ITPR1: variants seen among roughly 807,000 people sequenced by gnomAD.
ITPR1 encodes inositol 1,4,5-trisphosphate receptor type 1, also known as inositol 1,4,5-trisphosphate-gated calcium channel ITPR1.
In ITPR1, 96 loss-of-function variants were observed where a neutral mutation model predicts 318.4. The ratio of observed to expected loss-of-function variants is 0.30; its 90% CI spans 0.26 to 0.36. ITPR1 has a LOEUF of 0.36. Ranked by LOEUF, ITPR1 falls within the 10% of genes least tolerant of loss-of-function variation. ITPR1 has a pLI of 1.00. For missense variants in ITPR1, 2,440 were observed against 3,460.2 expected, an observed-to-expected ratio of 0.71 and a Z score of 7.40; for synonymous variants, 1,312 against 1,289.9, an observed-to-expected ratio of 1.02 and a Z score of -0.37.
chr3:4,730,905 G>A (rs751884537), intron 42 of ITPR1, among the ~76,000 whole-genome samples: 7 of 152,164 alleles, frequency 4.6e-5, no homozygotes, highest in East Asian at 3.9e-4. Context: ...CCCTGGCTGC[G>A]GCTTACGGGT....
intron 46 of ITPR1, among the ~76,000 whole-genome samples, chr3:4,771,717 G>A (rs1032153092): frequency 1.3e-5 from 2 of 151,840 alleles, no homozygotes; most frequent in Non-Finnish European, 2.9e-5. Flanking sequence ...GTGTTGGGGT[G>A]TATAGTATAT....
At chr3:4,623,419 C>A (rs1448478009) in intron 4 of ITPR1, among the ~76,000 whole-genome samples, 2 of 152,202 alleles carry the variant, frequency 1.3e-5, no homozygotes, top group Admixed American at 1.3e-4. Context: ...TCCTCAAAGG[C>A]CTAAAATAAT....
chr3:4,561,731 G>T (rs940747419), intron 4 of ITPR1, among the ~76,000 whole-genome samples: 157 of 152,176 alleles, frequency 1.0e-3, no homozygotes, highest in Middle Eastern at 3.4e-3. Flanking sequence ...GGTTTAGCCT[G>T]AATGACTTAA....
chr3:4,557,913 G>A (rs1404895803), intron 4 of ITPR1, among the ~76,000 whole-genome samples: 3 of 152,056 alleles, frequency 2.0e-5, no homozygotes, highest in Non-Finnish European at 4.4e-5. Flanking sequence ...TAAATTTATG[G>A]TGAAACCCTC....
chr3:4,706,896 A>G (rs1051326171), intron 37 of ITPR1, among the ~76,000 whole-genome samples: 2 of 152,360 alleles, frequency 1.3e-5, no homozygotes, highest in East Asian at 3.9e-4. Context: ...TTAAACATGC[A>G]TCTTAACATT....
At chr3:4,579,629 C>A (rs1182411145) in intron 4 of ITPR1, among the ~76,000 whole-genome samples, 1 of 152,128 alleles carries the variant, frequency 6.6e-6, no homozygotes, top group Non-Finnish European at 1.5e-5. Context: ...AACAAAAAGC[C>A]TGTTACGGAT....
At chr3:4,577,558 C>G (rs957985161) in intron 4 of ITPR1, among the ~76,000 whole-genome samples, 1 of 152,108 alleles carries the variant, frequency 6.6e-6, no homozygotes, top group African/African-American at 2.4e-5. Flanking sequence ...TGTTGATCAA[C>G]TGATTTGTAT....
chr3:4,642,347 C>G, intron 7 of ITPR1, 96 bp downstream of exon 7: 1 of 953,830 alleles, frequency 1.0e-6, no homozygotes, highest in South Asian at 3.2e-5. Context: ...AAGTTGGAAC[C>G]AGAGGCTTGT....
At chr3:4,575,943 C>T (rs1203703313) in intron 4 of ITPR1, among the ~76,000 whole-genome samples, 1 of 151,286 alleles carries the variant, frequency 6.6e-6, no homozygotes, top group African/African-American at 2.4e-5. Context: ...TCGCTTGGGC[C>T]CGGGAGGTCG....
chr3:4,782,727 A>C lies in ITPR1; in HGVS notation c.6496A>C (p.Ile2166Leu). Residue 2166 changes from isoleucine to leucine, a missense_variant, in exon 50 of 62, where the codon ATA (isoleucine) becomes CTA (leucine). This residue lies in a region of ITPR1 where 115 missense variants were observed against 204.5 expected (regional missense o/e 0.56). Coordinates refer to ENST00000649015, the MANE Select transcript of ITPR1 (RefSeq NM_001378452.1). ...CAGGAACGTGGGGCACAACATCTACATATTAGCCCATCAGGTATGATCTCT... is the reference window on the plus strand; with the variant it reads ...CAGGAACGTGGGGCACAACATCTACCTATTAGCCCATCAGGTATGATCTCT... ...SPRNVGHNIY[I>L]LAHQLARHNK... The C allele has an allele frequency of 6.4e-7, 1 of 1,569,834 alleles. No individual in the cohort carries two copies. The highest frequency in any genetic ancestry group is 8.6e-7 in the Non-Finnish European group (1 of 1,156,978).
At chr3:4,805,185 C>A (rs1004698802) in intron 54 of ITPR1, among the ~76,000 whole-genome samples, 13 of 152,214 alleles carry the variant, frequency 8.5e-5, no homozygotes, top group African/African-American at 3.1e-4. Flanking sequence ...TCAGGCACAG[C>A]TGATACAGGG....
chr3:4,556,937 G>A (rs1376257757), intron 4 of ITPR1, among the ~76,000 whole-genome samples: 1 of 152,108 alleles, frequency 6.6e-6, no homozygotes, highest in Non-Finnish European at 1.5e-5. Flanking sequence ...ACTTAACATT[G>A]TGCTGAATGT....
In ITPR1 at chr3:4,710,209, G is replaced by A. The variant is rs754095721; in HGVS notation, c.4843-116G>A. Reference sequence around the variant, plus strand: ...ATTTGAGATGCCAGACGGTACTAAAGTTACTCTAACCTAGCCTACCCGTGC... The same window carrying A: ...ATTTGAGATGCCAGACGGTACTAAAATTACTCTAACCTAGCCTACCCGTGC... On this transcript the variant is annotated intron_variant, in intron 37 of 61. Transcript: ENST00000649015. This position sits in a 1 kb window ranked among gnomAD's most constrained non-coding sequence, Gnocchi z 4.2. The A allele has an allele frequency of 1.0e-6, 1 of 973,276 alleles. No individual in the cohort carries two copies. Among genetic ancestry groups the A allele is most frequent in the African/African-American group, 1.7e-5 (1 of 60,240 alleles). 60.3% of individuals were successfully genotyped at this position (973,276 alleles called of 1,614,324 possible). A position where few individuals can be genotyped will look rare whatever the true frequency, so the allele number is the denominator to read the frequency against.
At chr3:4,605,877 T>A (rs1429292875) in intron 4 of ITPR1, among the ~76,000 whole-genome samples, 1 of 152,028 alleles carries the variant, frequency 6.6e-6, no homozygotes, top group Non-Finnish European at 1.5e-5. Context: ...TCCTCCAAGG[T>A]GAAATCAGAA....
chr3:4,711,879 T>G lies in ITPR1; in HGVS notation c.5103+11T>G, dbSNP rs1174050188. ...GGCTATGGAGAAAAGGTACTGCATTTTATTTTCATGGTCAAACCAGGTTTT... is the reference window on the plus strand; with the variant it reads ...GGCTATGGAGAAAAGGTACTGCATTGTATTTTCATGGTCAAACCAGGTTTT... On this transcript the variant is annotated intron_variant, in intron 39 of 61. Coordinates refer to ENST00000649015, the MANE Select transcript of ITPR1 (RefSeq NM_001378452.1). 2 of 1,378,350 alleles carry G rather than the reference T, an allele frequency of 1.5e-6. No homozygotes were observed. The highest frequency in any genetic ancestry group is 2.3e-5 in the Admixed American group (1 of 43,048). 85.4% of individuals were successfully genotyped at this position (1,378,350 alleles called of 1,614,324 possible).
intron 46 of ITPR1, among the ~76,000 whole-genome samples, chr3:4,773,769 G>C (rs1394353818): frequency 6.6e-6 from 1 of 152,166 alleles, no homozygotes; most frequent in Non-Finnish European, 1.5e-5. Flanking sequence ...ATCCTCCTCT[G>C]GTTTCCCTTA....
chr3:4,611,451 T>G (rs961906348), intron 4 of ITPR1, among the ~76,000 whole-genome samples: 2 of 151,734 alleles, frequency 1.3e-5, no homozygotes, highest in Admixed American at 1.3e-4. Flanking sequence ...TCCTAGCTAC[T>G]TGGGAGGCTG....
At chr3:4,556,513 TA>T (rs1314879741) in intron 4 of ITPR1, among the ~76,000 whole-genome samples, 1 of 145,364 alleles carries the variant, frequency 6.9e-6, no homozygotes, top group African/African-American at 2.6e-5. Context: ...TTTTTTTTTT[TA>T]TCTCCCTAGT....
chr3:4,660,918 T>A (rs1438196647), intron 13 of ITPR1, 70 bp from the exon 14 acceptor site: 3 of 725,214 alleles, frequency 4.1e-6, no homozygotes, highest in African/African-American at 3.6e-5. Flanking sequence ...ATAGATTATA[T>A]TCTAGACTAG....
Sources: gnomAD v4.1 joint callset for allele counts (sites outside exome capture counted in the v4.1 genomes callset) on GRCh38, gnomAD v4.1.1 for gene constraint, gnomAD v4.1.1 regional missense constraint, Gnocchi (gnomAD v3.1) non-coding constraint, MANE v1.5 for transcripts, NCBI Gene and HGNC (gene_info 2026-07-23, HGNC 2026-07-21) for gene names.